Variants in VWA3B observed in about 807,000 individuals in gnomAD.
VWA3B encodes the protein von Willebrand factor A domain containing 3B.
A neutral mutation model predicts 158.3 loss-of-function variants in VWA3B; 138 were observed. The observed-to-expected ratio is 0.87, with a 90% confidence interval of 0.76 to 1.00. The LOEUF is 1.00. VWA3B is among the 50% of genes least tolerant of loss of function. The pLI is 0.00. For missense variants in VWA3B, 1,555 were observed against 1,565.1 expected (o/e 0.99, Z 0.11); for synonymous variants, 596 against 587.3 (o/e 1.01, Z -0.21).
At chr2:98,327,018 G>T in the VWA3B span, among the ~76,000 whole-genome samples, 1 of 151,662 alleles carries the variant, frequency 6.6e-6, no homozygotes, top group Admixed American at 6.6e-5. Flanking sequence ...AAGTAGGCCA[G>T]GTGCAGAGAC....
chr2:98,231,773 A>G (rs899432224), intron 16 of VWA3B, among the ~76,000 whole-genome samples: 21 of 152,130 alleles, frequency 1.4e-4, no homozygotes, highest in African/African-American at 4.8e-4. Context: ...TCTTTAGTCT[A>G]TTGAAATGGT....
chr2:98,266,011 G>C (rs1299262488), intron 21 of VWA3B, among the ~76,000 whole-genome samples: 14 of 145,454 alleles, frequency 9.6e-5, no homozygotes, highest in South Asian at 2.2e-4. Flanking sequence ...TCACTCTGAT[G>C]GTAGTTTCTT....
At chr2:98,173,217 GC>G (rs1679740970) in intron 8 of VWA3B, among the ~76,000 whole-genome samples, 1 of 152,226 alleles carries the variant, frequency 6.6e-6, no homozygotes, top group Non-Finnish European at 1.5e-5. Context: ...GGTTTCTTAT[GC>G]AACCAGAAGC....
chr2:98,284,911 A>G (rs1015806784), intron 22 of VWA3B, among the ~76,000 whole-genome samples: 2 of 152,190 alleles, frequency 1.3e-5, no homozygotes, highest in African/African-American at 2.4e-5. Context: ...TATGTGGTTT[A>G]TCTTTTGATT....
chr2:98,299,956 A>G, intron 24 of VWA3B, 123 bp from the exon 25 acceptor site: 2 of 1,289,944 alleles, frequency 1.6e-6, no homozygotes, highest in Non-Finnish European at 1.1e-6. Flanking sequence ...GAGAAAAAAA[A>G]TATCTATTTG....
At chr2:98,186,324 C>T (rs1681047000) in intron 9 of VWA3B, among the ~76,000 whole-genome samples, 1 of 151,990 alleles carries the variant, frequency 6.6e-6, no homozygotes, top group African/African-American at 2.4e-5. Flanking sequence ...CACTCATTTC[C>T]TGGGTGGTCT....
intron 26 of VWA3B, among the ~76,000 whole-genome samples, chr2:98,308,472 C>A (rs1690669407): frequency 6.6e-6 from 1 of 152,220 alleles, no homozygotes; most frequent in African/African-American, 2.4e-5. Context: ...TGTAGTTTCT[C>A]CCATGTGGTC....
chr2:98,211,255 G>T (rs570367285), intron 12 of VWA3B, among the ~76,000 whole-genome samples: 2 of 152,320 alleles, frequency 1.3e-5, no homozygotes, highest in South Asian at 4.1e-4. Flanking sequence ...AGATGAGGGG[G>T]ATGTTGAAGG....
chr2:98,119,464 G>T, intron 3 of VWA3B, 49 bp from the exon 4 acceptor site: 1 of 1,600,248 alleles, frequency 6.2e-7, no homozygotes. Flanking sequence ...TGGTTCAAAT[G>T]ACTTATTTTG....
intron 13 of VWA3B, among the ~76,000 whole-genome samples, chr2:98,214,745 A>G (rs1683830402): frequency 6.6e-6 from 1 of 152,102 alleles, no homozygotes; most frequent in Admixed American, 6.5e-5. Flanking sequence ...CTATCCCATC[A>G]CTTATTTAGC....
chr2:98,283,861 G>A (rs1689018309), intron 22 of VWA3B, among the ~76,000 whole-genome samples: 1 of 152,236 alleles, frequency 6.6e-6, no homozygotes, highest in Non-Finnish European at 1.5e-5. Flanking sequence ...CCCATAGCCA[G>A]GTGGGCAGCA....
intron 12 of VWA3B, among the ~76,000 whole-genome samples, chr2:98,205,967 TC>T (rs2105504908): frequency 6.6e-6 from 1 of 152,350 alleles, no homozygotes; most frequent in African/African-American, 2.4e-5. Context: ...ATGCACATTT[TC>T]AATGTTTGTT....
intron 13 of VWA3B, among the ~76,000 whole-genome samples, chr2:98,214,704 T>C (rs1683827326): frequency 6.6e-6 from 1 of 152,212 alleles, no homozygotes; most frequent in Non-Finnish European, 1.5e-5. Flanking sequence ...ATAAAGAGCG[T>C]CCTCATTCTC....
chr2:98,193,185 T>A, intron 11 of VWA3B, 149 bp downstream of exon 11: 3 of 1,082,214 alleles, frequency 2.8e-6, no homozygotes, highest in Non-Finnish European at 3.9e-6. Context: ...TCATCAGTTC[T>A]CTTTTGCAAA....
intron 26 of VWA3B, among the ~76,000 whole-genome samples, chr2:98,309,409 T>C (rs755208050): frequency 2.0e-5 from 3 of 152,146 alleles, no homozygotes; most frequent in Non-Finnish European, 4.4e-5. Context: ...GACATGGCTA[T>C]GTATGAGTCG....
At position 98,121,339 on chromosome 2, in the gene VWA3B, C is replaced by G; in HGVS notation, c.583C>G (p.Pro195Ala). 1 of 1,614,118 alleles carries G rather than the reference C, an allele frequency of 6.2e-7. No individual in the cohort carries two copies. Among genetic ancestry groups the G allele is most frequent in the Non-Finnish European group, 8.5e-7 (1 of 1,179,962 alleles). Residue 195 changes from proline to alanine, a missense_variant, in exon 5 of 28, where the codon CCT (proline) becomes GCT (alanine). Coordinates refer to ENST00000477737, the MANE Select transcript of VWA3B (RefSeq NM_144992.5). ...EPVKWQENATPVTEQSIATAI... is the reference protein window; with the variant it reads ...EPVKWQENATAVTEQSIATAI... ...TGTGAAGTGGCAGGAAAATGCTACT[C>G]CTGTGACCGAACAGTCCATAGCTAC... is the stretch of plus-strand genomic sequence containing the variant.
intron 7 of VWA3B, among the ~76,000 whole-genome samples, chr2:98,149,828 T>C (rs1677480297): frequency 6.6e-6 from 1 of 152,244 alleles, no homozygotes; most frequent in Admixed American, 6.5e-5. Flanking sequence ...AAAGCTATAA[T>C]TGTTTTTGAA....
intron 10 of VWA3B, among the ~76,000 whole-genome samples, chr2:98,190,543 G>T (rs1558655165): frequency 6.6e-6 from 1 of 152,120 alleles, no homozygotes; most frequent in African/African-American, 2.4e-5. Context: ...ATTTCTGGTA[G>T]TGCAGGTCTA....
At chr2:98,159,728 C>A (rs748650353) in intron 7 of VWA3B, among the ~76,000 whole-genome samples, 1 of 151,888 alleles carries the variant, frequency 6.6e-6, no homozygotes, top group African/African-American at 2.4e-5. Flanking sequence ...AAGATACATA[C>A]AGCTTTGGTT....
Sources: gnomAD v4.1 joint callset for allele counts (sites outside exome capture counted in the v4.1 genomes callset) on GRCh38, gnomAD v4.1.1 for gene constraint, MANE v1.5 for transcripts, NCBI Gene and HGNC (gene_info 2026-07-23, HGNC 2026-07-21) for gene names.